The following PRDM6 variants were observed in gnomAD, a reference collection of about 807,000 sequenced individuals.
PRDM6 encodes PR/SET domain 6.
In PRDM6, 25 loss-of-function variants were observed where a neutral mutation model predicts 60.8. That is an observed-to-expected ratio of 0.41 (90% CI 0.30 to 0.57). The LOEUF (loss-of-function observed/expected upper bound fraction) is 0.57, where lower values mean the gene tolerates loss of function less well. Among genes scored for constraint, PRDM6 ranks in the 20% least tolerant of loss-of-function variants. The probability of loss-of-function intolerance (pLI) is 0.27; values close to 1 mark genes in which losing one functional copy is unlikely to be tolerated. For synonymous variants in PRDM6, 407 were observed against 357.4 expected (o/e 1.14, Z -1.57); for missense variants, 839 against 821.3 (o/e 1.02, Z -0.26).
intron 3 of PRDM6, among the ~76,000 whole-genome samples, chr5:123,116,272 T>C (rs1028424353): frequency 2.6e-5 from 4 of 152,238 alleles, no homozygotes; most frequent in African/African-American, 9.6e-5. Flanking sequence ...CTAACAAATG[T>C]AGTGACAACA....
At chr5:123,103,124 A>G (rs184063314) in intron 3 of PRDM6, among the ~76,000 whole-genome samples, 1 of 152,082 alleles carries the variant, frequency 6.6e-6, no homozygotes. Flanking sequence ...AATTTAAAGG[A>G]AGTTAAATAT....
At chr5:123,176,635 C>CA (rs1766019038) in intron 6 of PRDM6, among the ~76,000 whole-genome samples, 1 of 152,144 alleles carries the variant, frequency 6.6e-6, no homozygotes, top group African/African-American at 2.4e-5. Flanking sequence ...ATCACTTGAG[C>CA]ACAGGAGTTT....
At chr5:123,145,289 A>T (rs1437232292) in intron 3 of PRDM6, among the ~76,000 whole-genome samples, 1 of 152,192 alleles carries the variant, frequency 6.6e-6, no homozygotes, top group Non-Finnish European at 1.5e-5. Flanking sequence ...AAGATGTCTT[A>T]TGATTTGTTT....
intron 6 of PRDM6, chr5:123,173,446 G>C (rs554323433): frequency 6.0e-6 from 1 of 167,136 alleles, no homozygotes; most frequent in African/African-American, 2.4e-5. Flanking sequence ...ATTTGATTCA[G>C]ATGTCCAAGT....
intron 3 of PRDM6, among the ~76,000 whole-genome samples, chr5:123,113,185 T>A (rs1764356538): frequency 6.6e-6 from 1 of 152,190 alleles, no homozygotes; most frequent in Non-Finnish European, 1.5e-5. Flanking sequence ...TGCATTACTA[T>A]GAAGTAAAGT....
intron 6 of PRDM6, among the ~76,000 whole-genome samples, chr5:123,176,149 C>T (rs1296102323): frequency 6.6e-6 from 1 of 152,060 alleles, no homozygotes; most frequent in African/African-American, 2.4e-5. Flanking sequence ...TTCAGTTTCT[C>T]AGGCGCACTA....
intron 3 of PRDM6, among the ~76,000 whole-genome samples, chr5:123,125,716 G>T (rs17149983): frequency 6.6e-6 from 1 of 152,048 alleles, no homozygotes; most frequent in Admixed American, 6.6e-5. Context: ...ACTTTTTGGG[G>T]GACTTCCAAT....
At chr5:123,098,608 G>T (rs1229496048) in intron 2 of PRDM6, among the ~76,000 whole-genome samples, 3 of 152,206 alleles carry the variant, frequency 2.0e-5, no homozygotes, top group Non-Finnish European at 2.9e-5. Context: ...GGTCCCTCTC[G>T]CGCAGGCTGC....
intron 3 of PRDM6, among the ~76,000 whole-genome samples, chr5:123,134,726 C>T (rs1398719085): frequency 6.6e-6 from 1 of 152,028 alleles, no homozygotes; most frequent in Non-Finnish European, 1.5e-5. Context: ...CAATCATTTT[C>T]AATATAGGAT....
In PRDM6 at chr5:123,156,075, A is replaced by G. The variant is rs1047383795; in HGVS notation, c.1028+64A>G. The G allele has an allele frequency of 2.7e-6, 4 of 1,464,226 alleles. No homozygotes were observed. In the Admixed American group the frequency reaches 9.7e-5, roughly 35 times the overall value. 90.7% of individuals were successfully genotyped at this position (1,464,226 alleles called of 1,614,324 possible). A position where few individuals can be genotyped will look rare whatever the true frequency, so the allele number is the denominator to read the frequency against. ...CCATTTGGCTTGCATATACAAATTC[A>G]GGCTTGCCACTGGTGGGTAAAAAAA... On this transcript the variant is annotated intron_variant, in intron 4 of 7. Transcript: ENST00000407847.
Position 123,180,271 on chromosome 5 carries a change from G to T in PRDM6, c.1621G>T (p.Ala541Ser). Reference protein sequence around the residue: ...CGYCGRAFAGATTLNNHIRTH... With the variant: ...CGYCGRAFAGSTTLNNHIRTH... ...CTACTGTGGTCGTGCCTTTGCCGGG[G>T]CCACCACCCTCAACAACCACATCCG... The change falls in exon 7 of 8, where the codon GCC (alanine) becomes TCC (serine). Residue 541 changes from alanine to serine, a missense_variant. Transcript: ENST00000407847. 6.4e-7 allele frequency: 1 copy of T among 1,551,730 alleles called. No individual in the cohort carries two copies.
At chr5:123,094,553 A>G (rs1763916099) in intron 2 of PRDM6, among the ~76,000 whole-genome samples, 1 of 152,134 alleles carries the variant, frequency 6.6e-6, no homozygotes. Context: ...ACATACAGCC[A>G]TATATTAGAT....
At chr5:123,128,194 G>C (rs554502305) in intron 3 of PRDM6, among the ~76,000 whole-genome samples, 1 of 152,316 alleles carries the variant, frequency 6.6e-6, no homozygotes, top group South Asian at 2.1e-4. Context: ...TTGGTTCCAA[G>C]TCTTTGCTAA....
chr5:123,148,847 T>A (rs1765308929), intron 3 of PRDM6, among the ~76,000 whole-genome samples: 1 of 152,204 alleles, frequency 6.6e-6, no homozygotes, highest in African/African-American at 2.4e-5. Flanking sequence ...TTCTCTCTGA[T>A]AGGGCAAATA....
chr5:123,177,982 A>G (rs1361135510), intron 6 of PRDM6, among the ~76,000 whole-genome samples: 2 of 152,156 alleles, frequency 1.3e-5, no homozygotes, highest in Admixed American at 6.5e-5. Flanking sequence ...TCCCTAGCAT[A>G]TGCCTCTCAA....
chr5:123,186,153 C>G (rs79448462), intron 7 of PRDM6, among the ~76,000 whole-genome samples: 3,633 of 152,282 alleles, frequency 0.024, 122 homozygotes, highest in African/African-American at 0.076. Flanking sequence ...CCAGCTGCCA[C>G]AGTTCATCTG....
Position 123,194,212 on chromosome 5 carries a change from T to C in PRDM6, c.*7011T>C, listed in dbSNP as rs1196736532. ...AAAACAGGTACACATTTAGAGATCA[T>C]TGACCAAGAAATGTAAATATATTTG... On this transcript the variant is annotated 3_prime_UTR_variant, in exon 8 of 8. Coordinates refer to ENST00000407847, the MANE Select transcript of PRDM6 (RefSeq NM_001136239.4). 6.6e-6 allele frequency: 1 copy of C among 152,170 alleles called. No homozygotes were observed. Among genetic ancestry groups the C allele is most frequent in the Non-Finnish European group, 1.5e-5 (1 of 68,038 alleles). 9.4% of individuals were successfully genotyped at this position (152,170 alleles called of 1,614,324 possible).
intron 3 of PRDM6, among the ~76,000 whole-genome samples, chr5:123,121,703 A>C (rs1764584323): frequency 6.6e-6 from 1 of 152,150 alleles, no homozygotes; most frequent in South Asian, 2.1e-4. Flanking sequence ...TAACTTCTTA[A>C]TGTTGTCTAA....
chr5:123,158,400 G>A (rs1765555394), intron 4 of PRDM6, among the ~76,000 whole-genome samples: 1 of 152,160 alleles, frequency 6.6e-6, no homozygotes, highest in African/African-American at 2.4e-5. Context: ...GCAACTGGCT[G>A]GAGTTTTTGT....
Sources: gnomAD v4.1 joint callset for allele counts (sites outside exome capture counted in the v4.1 genomes callset) on GRCh38, gnomAD v4.1.1 for gene constraint, MANE v1.5 for transcripts, NCBI Gene and HGNC (gene_info 2026-07-23, HGNC 2026-07-21) for gene names.